The following PLEKHA2 variants were observed in gnomAD, a reference collection of about 807,000 sequenced individuals.
The protein encoded by PLEKHA2 is pleckstrin homology domain-containing family A member 2.
A neutral mutation model predicts 53.2 loss-of-function variants in PLEKHA2; 28 were observed. The observed-to-expected ratio is 0.53, with a 90% CI of 0.39 to 0.72. PLEKHA2 has a LOEUF of 0.72. Among genes scored for constraint, PLEKHA2 ranks in the 30% least tolerant of loss-of-function variants. PLEKHA2 has a pLI of 0.00. For synonymous variants in PLEKHA2, 193 were observed against 196.4 expected (o/e 0.98, Z 0.14); for missense variants, 426 against 537.9 (o/e 0.79, Z 2.06).
rs376435941 is a variant in PLEKHA2 at position 38,950,924 on chromosome 8, G to T, written c.420G>T (p.Lys140Asn). ...KSLAAPPALE[K>N]KPQVAYKTEI... ...TAGCAGCTCCTCCAGCCCTGGAGAA[G>T]AAGCCACAGGTGGCCTACAAGACGG... Residue 140 changes from lysine (K) to asparagine (N), a missense_variant, in exon 6 of 12, where the codon AAG becomes AAT. Transcript: ENST00000617275. 2 of 1,613,862 alleles carry T rather than the reference G, an allele frequency of 1.2e-6. No homozygotes were observed. The highest frequency in any genetic ancestry group is 1.7e-6 in the Non-Finnish European group (2 of 1,179,894).
chr8:38,951,018 G>A lies in PLEKHA2; in HGVS notation c.486+28G>A, dbSNP rs763306655. The A allele has an allele frequency of 3.7e-6, 6 of 1,606,592 alleles. No homozygotes were observed. The South Asian group carries it at 4.4e-5, about 12-fold the overall frequency. ...GAGGGGCCTGACTGGGGCTGCGGGGGGAGTGGGGGTGTGGAAGTGTCCATG... is the reference window on the plus strand; with the variant it reads ...GAGGGGCCTGACTGGGGCTGCGGGGAGAGTGGGGGTGTGGAAGTGTCCATG... On this transcript the variant is annotated intron_variant, in intron 6 of 11. Coordinates refer to ENST00000617275, the MANE Select transcript of PLEKHA2 (RefSeq NM_021623.2).
At chr8:38,929,911 C>G (rs1465512361) in intron 2 of PLEKHA2, among the ~76,000 whole-genome samples, 1 of 152,136 alleles carries the variant, frequency 6.6e-6, no homozygotes, top group Non-Finnish European at 1.5e-5. Context: ...TTTCTGTGTT[C>G]TTTGTGACTC....
intron 2 of PLEKHA2, among the ~76,000 whole-genome samples, chr8:38,918,320 C>A (rs866746587): frequency 5.2e-4 from 74 of 142,596 alleles, no homozygotes; most frequent in African/African-American, 1.9e-3. Flanking sequence ...ACCACACACA[C>A]ACTGTACAGA....
chr8:38,920,385 ACCTCCTTATCTGC>A (rs1472000289), intron 2 of PLEKHA2, among the ~76,000 whole-genome samples: 2 of 151,398 alleles, frequency 1.3e-5, no homozygotes, highest in Non-Finnish European at 2.9e-5. Flanking sequence ...CAAGCTCCTG[ACCTCCTTATCTGC>A]CCACCTTGGC....
intron 4 of PLEKHA2, among the ~76,000 whole-genome samples, chr8:38,944,378 G>A (rs888098241): frequency 4.6e-5 from 7 of 151,976 alleles, no homozygotes; most frequent in Non-Finnish European, 8.8e-5. Flanking sequence ...TTAGCTGGGC[G>A]TGGTGGTGAG....
At chr8:38,967,347 C>A (rs1200393544) in intron 10 of PLEKHA2, among the ~76,000 whole-genome samples, 3 of 152,148 alleles carry the variant, frequency 2.0e-5, no homozygotes, top group Admixed American at 6.5e-5. Context: ...ATAATGATTT[C>A]TTTTCCTTTG....
chr8:38,936,623 G>T (rs796897383), intron 3 of PLEKHA2, among the ~76,000 whole-genome samples: 1 of 152,206 alleles, frequency 6.6e-6, no homozygotes, highest in South Asian at 2.1e-4. Context: ...GGCCACCCCC[G>T]TCCCATTTGT....
chr8:38,941,594 G>C (rs1192627938), intron 3 of PLEKHA2, among the ~76,000 whole-genome samples: 1 of 152,200 alleles, frequency 6.6e-6, no homozygotes, highest in East Asian at 1.9e-4. Context: ...GAAACTCATG[G>C]ACCCTCAGCA....
At chr8:38,913,773 C>G (rs1162192050) in intron 1 of PLEKHA2, among the ~76,000 whole-genome samples, 1 of 152,196 alleles carries the variant, frequency 6.6e-6, no homozygotes, top group Non-Finnish European at 1.5e-5. Flanking sequence ...CAGACCACTC[C>G]CCTTGCTGCC....
At chr8:38,942,454 A>C (rs72638515) in intron 3 of PLEKHA2, among the ~76,000 whole-genome samples, 8,956 of 152,174 alleles carry the variant, frequency 0.059, 318 homozygotes, top group East Asian at 0.14. Context: ...AAGAAAACCC[A>C]AAAAAACCCC....
chr8:38,914,908 C>T (rs1475484223), intron 1 of PLEKHA2, among the ~76,000 whole-genome samples: 3 of 151,614 alleles, frequency 2.0e-5, no homozygotes, highest in Non-Finnish European at 2.9e-5. Flanking sequence ...CGGGCTGGGA[C>T]TTTCTTCTTT....
At position 38,948,985 on chromosome 8, in the gene PLEKHA2, C is replaced by T. The variant is rs1487506595; in HGVS notation, c.346-1865C>T. Reference sequence around the variant, plus strand: ...TTCTGGGTTCAAGCGATTCTCCTGCCTCAGCCTCCTGAGTAGCTGGGGTTA... The same window carrying T: ...TTCTGGGTTCAAGCGATTCTCCTGCTTCAGCCTCCTGAGTAGCTGGGGTTA... On this transcript the variant is annotated intron_variant, in intron 5 of 11. Transcript: ENST00000617275. Among the ~76,000 whole-genome samples the T allele has an allele frequency of 5.3e-5, 8 of 152,248 alleles. No homozygotes were observed. The East Asian group carries it at 1.5e-3, about 29-fold the overall frequency.
At chr8:38,933,066 A>G (rs1771503267) in intron 2 of PLEKHA2, among the ~76,000 whole-genome samples, 1 of 152,196 alleles carries the variant, frequency 6.6e-6, no homozygotes, top group African/African-American at 2.4e-5. Context: ...ATCAGCTCAT[A>G]GTTGTTTTTC....
At chr8:38,916,545 C>T (rs1588237778) in intron 1 of PLEKHA2, among the ~76,000 whole-genome samples, 2 of 152,150 alleles carry the variant, frequency 1.3e-5, no homozygotes, top group Non-Finnish European at 2.9e-5. Context: ...TCTCTTATTT[C>T]ACACTTAACA....
At chr8:38,908,133 C>T (rs1314312869) in intron 1 of PLEKHA2, among the ~76,000 whole-genome samples, 3 of 152,152 alleles carry the variant, frequency 2.0e-5, no homozygotes, top group Non-Finnish European at 2.9e-5. Context: ...AGGTACAGCT[C>T]ATGTGTTGTA....
intron 1 of PLEKHA2, among the ~76,000 whole-genome samples, chr8:38,915,255 G>A (rs1350950437): frequency 1.3e-5 from 2 of 152,194 alleles, no homozygotes; most frequent in Non-Finnish European, 2.9e-5. Flanking sequence ...CTGGGACTTT[G>A]TTCTGATTCC....
At chr8:38,940,329 G>A (rs1240127379) in intron 3 of PLEKHA2, among the ~76,000 whole-genome samples, 1 of 152,082 alleles carries the variant, frequency 6.6e-6, no homozygotes, top group African/African-American at 2.4e-5. Context: ...AACCTGGGGG[G>A]CGGAGGTTGT....
chr8:38,970,253 C>T lies in PLEKHA2; in HGVS notation c.*470C>T, dbSNP rs541309786. The T allele has an allele frequency of 2.5e-4, 101 of 401,128 alleles. No individual in the cohort carries two copies. The highest frequency in any genetic ancestry group is 8.8e-4 in the Admixed American group (20 of 22,822). 24.8% of individuals were successfully genotyped at this position (401,128 alleles called of 1,614,324 possible). On this transcript the variant is annotated 3_prime_UTR_variant, in exon 12 of 12. Coordinates refer to ENST00000617275, the MANE Select transcript of PLEKHA2 (RefSeq NM_021623.2). The stretch of plus-strand genomic sequence containing the variant: ...GGGCCAGCATTAGTCTAATTTTAAG[C>T]GCTATGTGTTTTGTACCCTTGCAAA...
intron 4 of PLEKHA2, 35 bp downstream of exon 4, chr8:38,943,872 A>G (rs1266576687): frequency 2.0e-6 from 3 of 1,524,506 alleles, no homozygotes; most frequent in Non-Finnish European, 1.8e-6. Flanking sequence ...CTCATTTAAT[A>G]TTGACATGGC....
Sources: gnomAD v4.1 joint callset for allele counts (sites outside exome capture counted in the v4.1 genomes callset) on GRCh38, gnomAD v4.1.1 for gene constraint, MANE v1.5 for transcripts, NCBI Gene and HGNC (gene_info 2026-07-23, HGNC 2026-07-21) for gene names.